VPS13C: variants seen among roughly 807,000 people sequenced by gnomAD.
VPS13C encodes the protein intermembrane lipid transfer protein VPS13C.
A neutral mutation model predicts 456.8 loss-of-function variants in VPS13C; 358 were observed. That is an observed-to-expected ratio of 0.78 (90% CI 0.72 to 0.86). The LOEUF is 0.86. Ranked by LOEUF, VPS13C falls within the 40% of genes least tolerant of loss-of-function variation. The pLI is 0.00. For missense variants in VPS13C, 4,818 were observed against 4,385.4 expected, an observed-to-expected ratio of 1.10 and a Z score of -2.79; for synonymous variants, 1,578 against 1,486.7, an observed-to-expected ratio of 1.06 and a Z score of -1.41.
intron 80 of VPS13C, among the ~76,000 whole-genome samples, chr15:61,869,097 C>T (rs1894805254): frequency 2.0e-5 from 3 of 149,320 alleles, no homozygotes; most frequent in South Asian, 4.3e-4. Flanking sequence ...TAAAATATGT[C>T]TCTTTTCTTT....
intron 1 of VPS13C, 35 bp from the exon 2 acceptor site, chr15:62,044,290 T>C (rs959642046): frequency 7.7e-7 from 1 of 1,302,734 alleles, no homozygotes; most frequent in East Asian, 2.5e-5. Flanking sequence ...AATATTACTA[T>C]AACATACCAA....
In VPS13C at chr15:61,961,755, G is replaced by T; in HGVS notation, c.3742C>A (p.Pro1248Thr). The part of the protein sequence containing the change: ...RVSINIDLKA[P>T]VIVIPQSSIS... ...GAAGACTGTGGGATGACTATAACCGGTGCTTTCAAATCAATATTGATGGAA... is the reference window on the plus strand; with the variant it reads ...GAAGACTGTGGGATGACTATAACCGTTGCTTTCAAATCAATATTGATGGAA... Residue 1248 changes from proline to threonine, a missense_variant, in exon 35 of 85, where the codon CCG becomes ACG. Pro to Thr is a conservative substitution (Grantham distance 38). Transcript: ENST00000644861. The T allele has an allele frequency of 6.2e-7, 1 of 1,613,938 alleles. No homozygotes were observed. The highest frequency in any genetic ancestry group is 8.5e-7 in the Non-Finnish European group (1 of 1,179,924).
At position 61,977,114 on chromosome 15, in the gene VPS13C, C is replaced by T. The variant is rs546628112; in HGVS notation, c.2376G>A (p.Lys792=). 14 of 1,601,266 alleles carry T rather than the reference C, an allele frequency of 8.7e-6. No individual in the cohort carries two copies. The highest frequency in any genetic ancestry group is 7.9e-5 in the South Asian group (7 of 89,004). Residue 792 remains lysine (K), a synonymous_variant, in exon 24 of 85, where the codon AAG becomes AAA. Transcript: ENST00000644861. The stretch of plus-strand genomic sequence containing the variant: ...TTCTAATGTCTTTTTCTACCATGGC[C>T]TTAGCCAACTCAACATGAATATCCA... ...QPMDIHVELA[K]AMVEKDIRMA...
At chr15:61,937,664 C>T (rs959058798) in intron 47 of VPS13C, among the ~76,000 whole-genome samples, 3 of 152,096 alleles carry the variant, frequency 2.0e-5, no homozygotes, top group Non-Finnish European at 1.5e-5. Flanking sequence ...TTAGTAGAGA[C>T]GTGGTTTCAC....
chr15:61,914,246 T>C (rs2043392312), intron 61 of VPS13C, among the ~76,000 whole-genome samples: 1 of 152,060 alleles, frequency 6.6e-6, no homozygotes, highest in African/African-American at 2.4e-5. Context: ...AATCAAACTC[T>C]ACAGACAGGA....
chr15:62,037,258 TATA>T (rs1379658220), intron 3 of VPS13C, among the ~76,000 whole-genome samples: 1 of 25,660 alleles, frequency 3.9e-5, no homozygotes, highest in Non-Finnish European at 6.9e-5. Flanking sequence ...TATATTTATA[TATA>T]TTATATTATA....
At chr15:61,919,081 C>T (rs2043564195) in intron 58 of VPS13C, among the ~76,000 whole-genome samples, 1 of 152,062 alleles carries the variant, frequency 6.6e-6, no homozygotes, top group Admixed American at 6.5e-5. Context: ...GTAAACAAAA[C>T]TACAGACATT....
intron 16 of VPS13C, among the ~76,000 whole-genome samples, chr15:61,996,577 G>A (rs186934764): frequency 1.3e-5 from 2 of 151,952 alleles, no homozygotes; most frequent in East Asian, 3.9e-4. Flanking sequence ...CTATCAGAGA[G>A]GCACTGAAAC....
chr15:61,863,237 C>A (rs1894320484), intron 82 of VPS13C, among the ~76,000 whole-genome samples: 1 of 152,066 alleles, frequency 6.6e-6, no homozygotes, highest in Non-Finnish European at 1.5e-5. Flanking sequence ...GTTTCAGCAT[C>A]TTTCAGATGA....
chr15:61,976,790 C>A (rs1388645865), intron 24 of VPS13C, among the ~76,000 whole-genome samples: 25 of 151,818 alleles, frequency 1.6e-4, no homozygotes, highest in Admixed American at 1.6e-3. Flanking sequence ...ATCAAAAGAG[C>A]CTCTAATGTG....
At chr15:62,037,280 T>TAA (rs1491287491) in intron 3 of VPS13C, among the ~76,000 whole-genome samples, 2 of 33,684 alleles carry the variant, frequency 5.9e-5, no homozygotes, top group African/African-American at 2.9e-4. Flanking sequence ...TATAATATAT[T>TAA]ATATATATTA....
intron 79 of VPS13C, among the ~76,000 whole-genome samples, chr15:61,870,474 T>A (rs918030803): frequency 6.6e-6 from 1 of 152,240 alleles, no homozygotes; most frequent in African/African-American, 2.4e-5. Context: ...TTCCTTTTTA[T>A]GACTGAGTAC....
At chr15:62,050,859 G>A (rs1426389204) in intron 1 of VPS13C, among the ~76,000 whole-genome samples, 1 of 145,266 alleles carries the variant, frequency 6.9e-6, no homozygotes, top group Non-Finnish European at 1.5e-5. Context: ...TCAAAATTTA[G>A]TATTCTTCAA....
chr15:62,040,520 A>G (rs1445488058), intron 3 of VPS13C, among the ~76,000 whole-genome samples: 2 of 152,104 alleles, frequency 1.3e-5, no homozygotes, highest in Non-Finnish European at 2.9e-5. Context: ...AAAAAATTTA[A>G]TGGAAATAAC....
At chr15:61,939,990 T>C (rs992551426) in intron 47 of VPS13C, among the ~76,000 whole-genome samples, 1 of 144,962 alleles carries the variant, frequency 6.9e-6, no homozygotes, top group African/African-American at 2.6e-5. Context: ...CAAGACTCCG[T>C]CTCAAAAAAA....
At chr15:62,050,004 T>C (rs902952789) in intron 1 of VPS13C, among the ~76,000 whole-genome samples, 2 of 152,218 alleles carry the variant, frequency 1.3e-5, no homozygotes, top group African/African-American at 4.8e-5. Flanking sequence ...AATTTTGGGC[T>C]GAGACGATGG....
intron 49 of VPS13C, among the ~76,000 whole-genome samples, chr15:61,932,392 A>C (rs962237773): frequency 5.3e-5 from 8 of 152,186 alleles, no homozygotes; most frequent in African/African-American, 1.9e-4. Context: ...AAAAAACTAG[A>C]AAGAAATACA....
chr15:61,961,451 G>T (rs989015764), intron 35 of VPS13C, 138 bp downstream of exon 35: 25 of 645,912 alleles, frequency 3.9e-5, no homozygotes, highest in Non-Finnish European at 6.0e-5. Context: ...ACAAAACAAT[G>T]ACAACAATAA....
At chr15:61,903,903 G>A (rs1357124962) in intron 66 of VPS13C, among the ~76,000 whole-genome samples, 2 of 152,128 alleles carry the variant, frequency 1.3e-5, no homozygotes. Context: ...TCAACAAATG[G>A]TGCTGGGAAA....
Sources: allele counts gnomAD v4.1 joint callset (sites outside exome capture counted in the v4.1 genomes callset), GRCh38; gene constraint gnomAD v4.1.1; transcripts MANE v1.5; gene names NCBI Gene and HGNC (gene_info 2026-07-23, HGNC 2026-07-21).